Variants in PHF3 observed in about 807,000 individuals in gnomAD.
The protein encoded by PHF3 is PHD finger protein 3.
A neutral mutation model predicts 178.4 loss-of-function variants in PHF3; 41 were observed. The ratio of observed to expected loss-of-function variants is 0.23; its 90% CI spans 0.18 to 0.30. PHF3 has a LOEUF of 0.30. Ranked by LOEUF, PHF3 falls within the 10% of genes least tolerant of loss-of-function variation. The pLI is 1.00. For synonymous variants in PHF3, 842 were observed against 800.5 expected (o/e 1.05, Z -0.88); for missense variants, 2,346 against 2,398.1 (o/e 0.98, Z 0.45).
intron 2 of PHF3, among the ~76,000 whole-genome samples, chr6:63,658,098 T>C (rs2149552349): frequency 6.6e-6 from 1 of 151,834 alleles, no homozygotes; most frequent in Admixed American, 6.5e-5. Context: ...GAGATGAGGT[T>C]GACCTCTCAG....
chr6:63,672,317 G>A (rs889176550), intron 2 of PHF3, among the ~76,000 whole-genome samples: 1 of 152,194 alleles, frequency 6.6e-6, no homozygotes, highest in Non-Finnish European at 1.5e-5. Flanking sequence ...CACAGACACA[G>A]ATACTCATAT....
chr6:63,706,776 G>A lies in PHF3; in HGVS notation c.3611G>A (p.Arg1204Gln), dbSNP rs967740976. Residue 1204 changes from arginine (R) to glutamine (Q), a missense_variant, in exon 13 of 16, where the codon CGA (arginine) becomes CAA (glutamine). Coordinates refer to ENST00000262043, the MANE Select transcript of PHF3 (RefSeq NM_001370348.2). ...TVEVESTFLA[R>Q]LNFIWKGFIN... ...GAAGTTGAGTCTACCTTTCTGGCTC[G>A]ATTGAACTTCATCTGGAAAGGTTTT... 6.2e-7 allele frequency: 1 copy of A among 1,613,874 alleles called. No individual in the cohort carries two copies.
chr6:63,713,957 A>C lies in PHF3; in HGVS notation c.*249A>C. The C allele has an allele frequency of 2.9e-6, 1 of 340,266 alleles. No homozygotes were observed. The highest frequency in any genetic ancestry group is 5.3e-6 in the Non-Finnish European group (1 of 190,418). The allele number at this position is 340,266 out of a possible 1,614,324, so 21.1% of individuals were successfully genotyped here. A position where few individuals can be genotyped will look rare whatever the true frequency, so the allele number is the denominator to read the frequency against. ...AAAAGTTTTACATTGCTGTATATTC[A>C]AAGATTTGTTTTATTAATATGCAAT... On this transcript the variant is annotated 3_prime_UTR_variant, in exon 16 of 16. Coordinates refer to ENST00000262043, the MANE Select transcript of PHF3 (RefSeq NM_001370348.2).
At chr6:63,659,217 A>C (rs370319067) in intron 2 of PHF3, among the ~76,000 whole-genome samples, 5 of 152,314 alleles carry the variant, frequency 3.3e-5, no homozygotes, top group African/African-American at 4.8e-5. Flanking sequence ...CAATGTATAC[A>C]TATATCAAAA....
rs967610748 is a variant in PHF3, at chr6:63,679,743, G to C, written c.245-257G>C. ...CAAGTAATAAATGGAAGTGATATTT[G>C]AGGCTAAATCAGGAAAGAGTATAAT... is the stretch of plus-strand genomic sequence containing the variant. On this transcript the variant is annotated intron_variant, in intron 2 of 15. Transcript: ENST00000262043. The C allele has an allele frequency of 1.2e-5, 6 of 480,928 alleles. No homozygotes were observed. The East Asian group carries it at 3.0e-4, about 24-fold the overall frequency. The allele number at this position is 480,928 out of a possible 1,614,324, so 29.8% of individuals were successfully genotyped here.
At chr6:63,641,885 C>T (rs955498296) in intron 1 of PHF3, among the ~76,000 whole-genome samples, 14 of 152,204 alleles carry the variant, frequency 9.2e-5, no homozygotes, top group Non-Finnish European at 1.6e-4. Context: ...GCCTCGTCCT[C>T]CCAAAGTGCT....
intron 3 of PHF3, among the ~76,000 whole-genome samples, chr6:63,680,860 G>T (rs1330231865): frequency 3.3e-5 from 5 of 152,022 alleles, no homozygotes; most frequent in Non-Finnish European, 5.9e-5. Context: ...CTATGAGCCT[G>T]ATGCAAAGCT....
chr6:63,651,291 T>G (rs950091064), intron 2 of PHF3, among the ~76,000 whole-genome samples: 10 of 152,330 alleles, frequency 6.6e-5, no homozygotes, highest in African/African-American at 1.2e-4. Context: ...CAATAAATTG[T>G]TAATTGTAGT....
At chr6:63,661,532 C>T (rs1765465063) in intron 2 of PHF3, among the ~76,000 whole-genome samples, 1 of 152,074 alleles carries the variant, frequency 6.6e-6, no homozygotes, top group Non-Finnish European at 1.5e-5. Flanking sequence ...ATAAAAAAAT[C>T]TTTAACATAA....
chr6:63,674,520 A>G (rs1766081842), intron 2 of PHF3, among the ~76,000 whole-genome samples: 1 of 151,872 alleles, frequency 6.6e-6, no homozygotes, highest in Non-Finnish European at 1.5e-5. Flanking sequence ...GATGTAGTGT[A>G]TCATACCTCA....
chr6:63,640,550 CTTACAAACACATAGGGCAG>C (rs1394071592), intron 1 of PHF3, among the ~76,000 whole-genome samples: 3 of 152,160 alleles, frequency 2.0e-5, no homozygotes, highest in African/African-American at 7.2e-5. Context: ...TGAGTTTAAC[CTTACAAACACATAGGGCAG>C]TTGTAAGCAC....
rs1414051139 is a variant in PHF3 at position 63,694,700 on chromosome 6, A to T, written c.2616A>T (p.Lys872Asn). ...TACCTCGGAGATCCTCAGAAGAAAA[A>T]AGTGAAAAAATACCGAAAGAGTCTA... ...PVLPRRSSEE[K>N]SEKIPKESTT... The change falls in exon 6 of 16, where the codon AAA (lysine) becomes AAT (asparagine). Residue 872 changes from lysine to asparagine, a missense_variant. Transcript: ENST00000262043. The T allele has an allele frequency of 1.2e-6, 2 of 1,602,134 alleles. No individual in the cohort carries two copies. The highest frequency in any genetic ancestry group is 1.7e-5 in the Admixed American group (1 of 58,590).
At position 63,713,848 on chromosome 6, in the gene PHF3, G is replaced by A. The variant is rs1768086120; in HGVS notation, c.*140G>A. 21 of 677,238 alleles carry A rather than the reference G, an allele frequency of 3.1e-5. No homozygotes were observed. The South Asian group carries it at 4.2e-4, about 13-fold the overall frequency. The allele number at this position is 677,238 out of a possible 1,614,324, so 42.0% of individuals were successfully genotyped here. On this transcript the variant is annotated 3_prime_UTR_variant, in exon 16 of 16. Coordinates refer to ENST00000262043, the MANE Select transcript of PHF3 (RefSeq NM_001370348.2). Reference sequence around the variant, plus strand: ...TCATTTGCAGAACAGTAAATTCTGTGTGTTGGTACAGAGTGCTCTGTACCA... The same window carrying A: ...TCATTTGCAGAACAGTAAATTCTGTATGTTGGTACAGAGTGCTCTGTACCA...
rs1767332906 is a variant in PHF3 at position 63,698,486 on chromosome 6, G to T, written c.2863G>T (p.Ala955Ser). 2 of 1,601,528 alleles carry T rather than the reference G, an allele frequency of 1.2e-6. No homozygotes were observed. Among genetic ancestry groups the T allele is most frequent in the Admixed American group, 1.7e-5 (1 of 57,524 alleles). ...AAATTTGAAGGTACCAGAGGAAAAG[G>T]CAGCAAAAGTTGCCACAAAAATTGA... ...DSNLKVPEEK[A>S]AKVATKIEKE... Residue 955 changes from alanine (A) to serine (S), a missense_variant, in exon 8 of 16, where the codon GCA (alanine) becomes TCA (serine). By Grantham distance (99) the Ala-to-Ser change is moderately conservative. Transcript: ENST00000262043.
chr6:63,713,176 G>A lies in PHF3; in HGVS notation c.5588G>A (p.Gly1863Asp), dbSNP rs762069260. 6.2e-7 allele frequency: 1 copy of A among 1,613,940 alleles called. No homozygotes were observed. The highest frequency in any genetic ancestry group is 8.5e-7 in the Non-Finnish European group (1 of 1,179,968). Reference sequence around the variant, plus strand: ...TGGCCACCTGTTGTTCATCTCCCAGGTCAGCCACAGCGTATGATGGGTCCT... The same window carrying A: ...TGGCCACCTGTTGTTCATCTCCCAGATCAGCCACAGCGTATGATGGGTCCT... ...VPWPPVVHLPGQPQRMMGPLS... is the reference protein window; with the variant it reads ...VPWPPVVHLPDQPQRMMGPLS... Residue 1863 changes from glycine (G) to aspartate (D), a missense_variant, in exon 16 of 16, where the codon GGT becomes GAT. Gly to Asp is a moderately conservative substitution (Grantham distance 94). Coordinates refer to ENST00000262043, the MANE Select transcript of PHF3 (RefSeq NM_001370348.2).
chr6:63,699,977 A>G (rs1383185781), intron 8 of PHF3, among the ~76,000 whole-genome samples: 1 of 152,134 alleles, frequency 6.6e-6, no homozygotes, highest in African/African-American at 2.4e-5. Context: ...AATATGTAAA[A>G]TCTTAAAACT....
intron 1 of PHF3, among the ~76,000 whole-genome samples, chr6:63,640,967 G>GC (rs1704829672): frequency 1.3e-5 from 2 of 152,168 alleles, no homozygotes; most frequent in African/African-American, 4.8e-5. Context: ...AATGTTCTCT[G>GC]CATGGGCATA....
intron 2 of PHF3, among the ~76,000 whole-genome samples, chr6:63,654,345 A>T (rs1765141999): frequency 1.3e-5 from 2 of 152,240 alleles, no homozygotes; most frequent in South Asian, 4.1e-4. Flanking sequence ...ATGGAAATAC[A>T]TTGGTTAAGA....
chr6:63,677,104 T>G (rs777939269), intron 2 of PHF3, among the ~76,000 whole-genome samples: 8 of 152,100 alleles, frequency 5.3e-5, no homozygotes, highest in Non-Finnish European at 8.8e-5. Context: ...GTGTTTATTT[T>G]TGGTATGTTA....
Sources: allele counts gnomAD v4.1 joint callset (sites outside exome capture counted in the v4.1 genomes callset), GRCh38; gene constraint gnomAD v4.1.1; transcripts MANE v1.5; gene names NCBI Gene and HGNC (gene_info 2026-07-23, HGNC 2026-07-21).